The following COL25A1 variants were observed in gnomAD, a reference collection of about 807,000 sequenced individuals.
COL25A1 encodes collagen alpha-1(XXV) chain.
COL25A1 carries 103 observed loss-of-function variants against 128.4 expected under a neutral mutation model. The observed-to-expected ratio is 0.80, with a 90% CI of 0.68 to 0.94. COL25A1 has a LOEUF of 0.94. Among genes scored for constraint, COL25A1 ranks in the 40% least tolerant of loss-of-function variants. The pLI, the probability that COL25A1 is intolerant of heterozygous loss-of-function variation, is 0.00. For synonymous variants in COL25A1, 279 were observed against 277.2 expected (o/e 1.01, Z -0.06); for missense variants, 745 against 840.0 (o/e 0.89, Z 1.40).
intron 3 of COL25A1, among the ~76,000 whole-genome samples, chr4:109,293,177 G>A (rs935728523): frequency 3.3e-5 from 5 of 151,986 alleles, no homozygotes; most frequent in Admixed American, 2.0e-4. Context: ...ATATTTCACT[G>A]TAGCATCTTA....
chr4:109,173,353 G>T (rs1773774264), intron 3 of COL25A1, among the ~76,000 whole-genome samples: 1 of 152,136 alleles, frequency 6.6e-6, no homozygotes, highest in African/African-American at 2.4e-5. Flanking sequence ...CTCCCAAAGT[G>T]CTTGGATCAC....
intron 3 of COL25A1, among the ~76,000 whole-genome samples, chr4:109,110,782 C>T (rs930137551): frequency 6.6e-6 from 1 of 152,166 alleles, no homozygotes; most frequent in African/African-American, 2.4e-5. Flanking sequence ...CCCCACACAA[C>T]AAATAAGTTT....
chr4:109,149,735 T>A (rs894513590), intron 3 of COL25A1, among the ~76,000 whole-genome samples: 2 of 152,156 alleles, frequency 1.3e-5, no homozygotes, highest in Non-Finnish European at 2.9e-5. Flanking sequence ...CTTAAACAAT[T>A]GGAATGTTTT....
chr4:109,037,622 A>C (rs1759478178), intron 5 of COL25A1, among the ~76,000 whole-genome samples: 1 of 152,204 alleles, frequency 6.6e-6, no homozygotes. Flanking sequence ...TTTTCTCTAA[A>C]AGTGTGTGGG....
chr4:109,208,973 T>C (rs1176361508), intron 3 of COL25A1, among the ~76,000 whole-genome samples: 1 of 152,200 alleles, frequency 6.6e-6, no homozygotes, highest in East Asian at 1.9e-4. Context: ...CAGTAGATAA[T>C]TGAATGAAAT....
chr4:109,265,771 G>A (rs1393090903), intron 3 of COL25A1, among the ~76,000 whole-genome samples: 2 of 151,958 alleles, frequency 1.3e-5, no homozygotes, highest in Non-Finnish European at 2.9e-5. Context: ...CCTGCTAAAT[G>A]GTAATTTAAA....
At chr4:108,839,075 G>A (rs1252613536) in intron 31 of COL25A1, among the ~76,000 whole-genome samples, 5 of 152,014 alleles carry the variant, frequency 3.3e-5, no homozygotes, top group South Asian at 2.1e-4. Context: ...GGGTGGGGGC[G>A]GGAAAGGGGA....
intron 8 of COL25A1, among the ~76,000 whole-genome samples, chr4:108,973,396 C>A (rs1305845418): frequency 1.3e-5 from 2 of 152,142 alleles, no homozygotes; most frequent in South Asian, 2.1e-4. Context: ...CATAGCATAA[C>A]TTTTGTCTAG....
chr4:109,233,400 C>G (rs1256004326), intron 3 of COL25A1, among the ~76,000 whole-genome samples: 1 of 152,092 alleles, frequency 6.6e-6, no homozygotes, highest in Non-Finnish European at 1.5e-5. Context: ...TCTGATCCAA[C>G]TAGTACAAAA....
At chr4:109,291,220 T>C (rs969660519) in intron 3 of COL25A1, among the ~76,000 whole-genome samples, 9 of 152,122 alleles carry the variant, frequency 5.9e-5, no homozygotes, top group African/African-American at 2.2e-4. Context: ...AGGTAGAGTA[T>C]TGTCTTTCAA....
In COL25A1 at chr4:108,994,737, G is replaced by C. The variant is rs574209492; in HGVS notation, c.438+15621C>G. Reference sequence around the variant, plus strand: ...GGGCCGACAGACACCTCATACAGGCGGGTGCCCCTCTGGGACAAAGCTTCC... The same window carrying C: ...GGGCCGACAGACACCTCATACAGGCCGGTGCCCCTCTGGGACAAAGCTTCC... On this transcript the variant is annotated intron_variant, in intron 6 of 37. Coordinates refer to ENST00000399132, the MANE Select transcript of COL25A1 (RefSeq NM_198721.4). Among the ~76,000 whole-genome samples, 3 of 152,248 alleles carry C rather than the reference G, an allele frequency of 2.0e-5. No homozygotes were observed. In the East Asian group the frequency reaches 5.8e-4, roughly 29 times the overall value.
intron 3 of COL25A1, among the ~76,000 whole-genome samples, chr4:109,149,029 A>G (rs1355370383): frequency 6.6e-6 from 1 of 152,208 alleles, no homozygotes; most frequent in Non-Finnish European, 1.5e-5. Flanking sequence ...CAAGTTTATC[A>G]TCACAACATC....
In COL25A1 at chr4:108,862,622, G is replaced by T; in HGVS notation, c.1153-77C>A. On this transcript the variant is annotated intron_variant, in intron 21 of 37. Coordinates refer to ENST00000399132, the MANE Select transcript of COL25A1 (RefSeq NM_198721.4). ...GAACAGAAAAATAGAAATTAGCAGT[G>T]ACTCAGAATAATGAAGAAAAATGGA... The T allele has an allele frequency of 3.3e-6, 4 of 1,226,132 alleles. No individual in the cohort carries two copies. The South Asian group carries it at 3.8e-5, about 12-fold the overall frequency. The allele number at this position is 1,226,132 out of a possible 1,614,324, so 76.0% of individuals were successfully genotyped here.
chr4:108,988,027 G>A (rs927103139), intron 6 of COL25A1, among the ~76,000 whole-genome samples: 1 of 152,160 alleles, frequency 6.6e-6, no homozygotes, highest in Non-Finnish European at 1.5e-5. Flanking sequence ...AGGAAAAGAG[G>A]TACATGGGGA....
intron 3 of COL25A1, among the ~76,000 whole-genome samples, chr4:109,201,585 C>T (rs1776562161): frequency 6.6e-6 from 1 of 152,126 alleles, no homozygotes; most frequent in African/African-American, 2.4e-5. Flanking sequence ...AGGAGCAAGG[C>T]AAGAATGTCC....
chr4:109,226,250 G>A (rs568022764), intron 3 of COL25A1, among the ~76,000 whole-genome samples: 2 of 152,102 alleles, frequency 1.3e-5, no homozygotes, highest in South Asian at 2.1e-4. Context: ...AGGGGGGTGA[G>A]ACATGAGAAA....
intron 5 of COL25A1, among the ~76,000 whole-genome samples, chr4:109,026,268 T>C (rs1758278280): frequency 6.6e-6 from 1 of 151,988 alleles, no homozygotes; most frequent in South Asian, 2.1e-4. Flanking sequence ...AAATGGAAAC[T>C]GAGGATAAAA....
At chr4:109,056,999 A>G (rs1579225289) in intron 3 of COL25A1, among the ~76,000 whole-genome samples, 1 of 152,172 alleles carries the variant, frequency 6.6e-6, no homozygotes, top group Non-Finnish European at 1.5e-5. Context: ...AGCTTGGGCT[A>G]CAGGCACATA....
intron 3 of COL25A1, among the ~76,000 whole-genome samples, chr4:109,214,674 T>C (rs555216211): frequency 6.6e-6 from 1 of 152,140 alleles, no homozygotes; most frequent in African/African-American, 2.4e-5. Flanking sequence ...GAAAAAAGTA[T>C]CAATGCAAGA....
Sources: allele counts gnomAD v4.1 joint callset (sites outside exome capture counted in the v4.1 genomes callset), GRCh38; gene constraint gnomAD v4.1.1; transcripts MANE v1.5; gene names NCBI Gene and HGNC (gene_info 2026-07-23, HGNC 2026-07-21).